The following CEP83 variants were observed in gnomAD, a reference collection of about 807,000 sequenced individuals.
The protein encoded by CEP83 is centrosomal protein 83.
Under a neutral mutation model 101.9 loss-of-function variants are expected in CEP83, and 70 were observed. The ratio of observed to expected loss-of-function variants is 0.69; its 90% confidence interval spans 0.57 to 0.84. The LOEUF (loss-of-function observed/expected upper bound fraction) is 0.84, where lower values mean the gene tolerates loss of function less well. Ranked by LOEUF, CEP83 falls within the 40% of genes least tolerant of loss-of-function variation. The pLI is 0.00. For synonymous variants in CEP83, 264 were observed against 267.9 expected (o/e 0.99, Z 0.14); for missense variants, 715 against 787.2 (o/e 0.91, Z 1.10).
At chr12:94,369,040 A>C (rs144934245) in intron 9 of CEP83, 1 of 152,342 alleles carries the variant, frequency 6.6e-6, no homozygotes, top group Non-Finnish European at 1.5e-5. Flanking sequence ...GTTCAACTAC[A>C]GATCAACTCA....
At chr12:94,319,331 T>G (rs1261187820) in intron 14 of CEP83, among the ~76,000 whole-genome samples, 2 of 152,130 alleles carry the variant, frequency 1.3e-5, no homozygotes, top group Non-Finnish European at 2.9e-5. Context: ...GGCCTAACAA[T>G]TTTTTCAAAA....
intron 11 of CEP83, among the ~76,000 whole-genome samples, chr12:94,364,648 AT>A (rs1425075012): frequency 2.0e-5 from 3 of 151,864 alleles, no homozygotes; most frequent in East Asian, 1.9e-4. Context: ...AACAAAAAAA[AT>A]TTTTTTAATG....
chr12:94,295,723 G>T, the CEP83 span, among the ~76,000 whole-genome samples: 6 of 152,104 alleles, frequency 3.9e-5, no homozygotes, highest in African/African-American at 1.4e-4. Flanking sequence ...GGCACATAAT[G>T]GCACACAGTG....
At chr12:94,378,648 A>G in intron 7 of CEP83, 143 bp downstream of exon 7, 2 of 880,170 alleles carry the variant, frequency 2.3e-6, no homozygotes, top group African/African-American at 1.7e-5. Flanking sequence ...CTTCTTTACT[A>G]AAAGAATAAA....
At chr12:94,382,110 G>T (rs2061882286) in intron 6 of CEP83, among the ~76,000 whole-genome samples, 1 of 151,916 alleles carries the variant, frequency 6.6e-6, no homozygotes, top group African/African-American at 2.4e-5. Context: ...TTAAGAAATT[G>T]ATTCATTTCA....
At chr12:94,376,728 CACACATATAT>C (rs752714576) in intron 7 of CEP83, among the ~76,000 whole-genome samples, 62 of 116,120 alleles carry the variant, frequency 5.3e-4, no homozygotes, top group Admixed American at 1.4e-3. Context: ...CACACACACA[CACACATATAT>C]ATATATATAT....
In CEP83 at chr12:94,411,417, A is replaced by T. The variant is rs911505606; in HGVS notation, c.324+280T>A. Among the ~76,000 whole-genome samples, 6 of 152,238 alleles carry T rather than the reference A, an allele frequency of 3.9e-5. No homozygotes were observed. The East Asian group carries it at 1.2e-3, about 29-fold the overall frequency. ...TTAATTCTGAATTTTTATCAATTCA[A>T]ACTCACTTTTTCCCTAATTATTCTT... On this transcript the variant is annotated intron_variant, in intron 4 of 16. Transcript: ENST00000397809.
chr12:94,414,570 T>C (rs2137843193), intron 2 of CEP83, among the ~76,000 whole-genome samples: 1 of 152,340 alleles, frequency 6.6e-6, no homozygotes, highest in Middle Eastern at 3.4e-3. Context: ...GACATAATTA[T>C]ATTGTAAACT....
rs777978756 is a variant in CEP83, at chr12:94,313,012, T to C, written c.1713A>G (p.Lys571=). The C allele has an allele frequency of 6.1e-5, 88 of 1,446,048 alleles. No individual in the cohort carries two copies. The highest frequency in any genetic ancestry group is 7.7e-5 in the Non-Finnish European group (80 of 1,039,960). 89.6% of individuals were successfully genotyped at this position (1,446,048 alleles called of 1,614,324 possible). ...QRAAIAQKKR[K]SLHENKLKRL... is the part of the protein sequence containing the mutation. ...TTTTCAATTTGTTTTCATGAAGAGATTTTCTCTAAAAAGAGAAATATGAAC... is the reference window on the plus strand; with the variant it reads ...TTTTCAATTTGTTTTCATGAAGAGACTTTCTCTAAAAAGAGAAATATGAAC... Residue 571 remains lysine, a synonymous_variant, in exon 15 of 17, where the codon AAA becomes AAG. Coordinates refer to ENST00000397809, the MANE Select transcript of CEP83 (RefSeq NM_016122.3).
chr12:94,309,357 T>C (rs1368725828), intron 16 of CEP83, among the ~76,000 whole-genome samples: 2 of 152,184 alleles, frequency 1.3e-5, no homozygotes, highest in Admixed American at 6.5e-5. Context: ...AGAATCAATC[T>C]GATTCCTTCA....
chr12:94,442,869 T>C (rs895782405), intron 1 of CEP83, among the ~76,000 whole-genome samples: 1 of 152,210 alleles, frequency 6.6e-6, no homozygotes, highest in Admixed American at 6.5e-5. Context: ...TTCTTCTTCA[T>C]CTGTTTGTTG....
intron 11 of CEP83, among the ~76,000 whole-genome samples, chr12:94,345,603 T>TC (rs2059899155): frequency 1.3e-5 from 2 of 151,920 alleles, no homozygotes; most frequent in Non-Finnish European, 2.9e-5. Flanking sequence ...ACTCCAATCT[T>TC]CCCCCATCTT....
At chr12:94,440,741 AAGAACAGATC>A (rs2066341579) in intron 1 of CEP83, among the ~76,000 whole-genome samples, 1 of 152,210 alleles carries the variant, frequency 6.6e-6, no homozygotes, top group African/African-American at 2.4e-5. Context: ...ACTAAGCACA[AAGAACAGATC>A]TGGAGGTATC....
At chr12:94,432,473 C>A (rs2065711223) in intron 2 of CEP83, among the ~76,000 whole-genome samples, 1 of 151,922 alleles carries the variant, frequency 6.6e-6, no homozygotes, top group African/African-American at 2.4e-5. Flanking sequence ...GAGATCATTA[C>A]AATAAGTGAA....
intron 11 of CEP83, among the ~76,000 whole-genome samples, chr12:94,337,227 T>C (rs2059487310): frequency 6.6e-6 from 1 of 151,968 alleles, no homozygotes; most frequent in Non-Finnish European, 1.5e-5. Flanking sequence ...AAGAAACCAA[T>C]GGTAGAGTAT....
chr12:94,338,143 C>T (rs1476949719), intron 11 of CEP83, among the ~76,000 whole-genome samples: 1 of 152,024 alleles, frequency 6.6e-6, no homozygotes, highest in African/African-American at 2.4e-5. Context: ...TCTAGGTGTA[C>T]AAGATGCTAA....
intron 6 of CEP83, among the ~76,000 whole-genome samples, chr12:94,387,694 T>C (rs2062232829): frequency 6.6e-6 from 1 of 152,092 alleles, no homozygotes; most frequent in Admixed American, 6.5e-5. Flanking sequence ...TCTGACAAAG[T>C]TCTAATATCT....
intron 11 of CEP83, among the ~76,000 whole-genome samples, chr12:94,338,807 A>T (rs545302375): frequency 8.5e-5 from 13 of 152,276 alleles, no homozygotes; most frequent in African/African-American, 3.1e-4. Context: ...TACAACAGAA[A>T]ATGTAGCTAT....
chr12:94,379,836 A>T (rs190630043), intron 6 of CEP83, among the ~76,000 whole-genome samples: 1 of 151,956 alleles, frequency 6.6e-6, no homozygotes, highest in Admixed American at 6.6e-5. Context: ...CCCTTTCCTG[A>T]TCTCCCCAAC....
Sources: gnomAD v4.1 joint callset for allele counts (sites outside exome capture counted in the v4.1 genomes callset) on GRCh38, gnomAD v4.1.1 for gene constraint, MANE v1.5 for transcripts, NCBI Gene and HGNC (gene_info 2026-07-23, HGNC 2026-07-21) for gene names.